The following NEDD4 variants were observed in gnomAD, a reference collection of about 807,000 sequenced individuals.
NEDD4 encodes E3 ubiquitin-protein ligase NEDD4.
In NEDD4, 99 loss-of-function variants were observed where a neutral mutation model predicts 144.9. That is an observed-to-expected ratio of 0.68 (90% CI 0.58 to 0.81). The LOEUF (loss-of-function observed/expected upper bound fraction) is 0.81. NEDD4 is among the 30% of genes least tolerant of loss of function. The probability of loss-of-function intolerance (pLI) is 0.00; values close to 1 mark genes in which losing one functional copy is unlikely to be tolerated. For missense variants in NEDD4, 985 were observed against 1,065.9 expected (o/e 0.92, Z 1.06); for synonymous variants, 318 against 350.6 (o/e 0.91, Z 1.04).
chr15:55,936,610 A>C (rs372140386), intron 4 of NEDD4, among the ~76,000 whole-genome samples: 1 of 152,184 alleles, frequency 6.6e-6, no homozygotes, highest in African/African-American at 2.4e-5. Flanking sequence ...TATATTGAGT[A>C]TGAATGCTAA....
chr15:55,869,238 T>C (rs1169884476), intron 8 of NEDD4, among the ~76,000 whole-genome samples: 1 of 152,230 alleles, frequency 6.6e-6, no homozygotes, highest in Non-Finnish European at 1.5e-5. Flanking sequence ...AAAGAGTTCC[T>C]AATCAGTGGA....
At position 55,856,209 on chromosome 15, in the gene NEDD4, C is replaced by T; in HGVS notation, c.961-13G>A. 6.2e-7 allele frequency: 1 copy of T among 1,609,810 alleles called. No homozygotes were observed. The highest frequency in any genetic ancestry group is 8.5e-7 in the Non-Finnish European group (1 of 1,178,138). ...TGCTGGAATGATTCTTGTGAAAAAA[C>T]AAGACAACAGAAGAATACCTTGATA... is the stretch of plus-strand genomic sequence containing the variant. On this transcript the variant is annotated splice_polypyrimidine_tract_variant and intron_variant, in intron 11 of 28. Coordinates refer to ENST00000435532, the MANE Select transcript of NEDD4 (RefSeq NM_006154.4).
rs113513290 is a variant in NEDD4 at position 55,834,934 on chromosome 15, C to G, written c.2263-648G>C. On this transcript the variant is annotated intron_variant, in intron 24 of 28. Coordinates refer to ENST00000435532, the MANE Select transcript of NEDD4 (RefSeq NM_006154.4). Reference sequence around the variant, plus strand: ...TGGCCTCCTTCCCACCGCAGTGCCGCCTCTTCTTTCAGGCTAGGCCTGCAC... The same window carrying G: ...TGGCCTCCTTCCCACCGCAGTGCCGGCTCTTCTTTCAGGCTAGGCCTGCAC... Among the ~76,000 whole-genome samples, 2 of 152,300 alleles carry G rather than the reference C, an allele frequency of 1.3e-5. 1 individual carries two copies. Among genetic ancestry groups the G allele is most frequent in the African/African-American group, 4.8e-5 (2 of 41,560 alleles).
intron 4 of NEDD4, among the ~76,000 whole-genome samples, chr15:55,928,122 G>A (rs2142242876): frequency 6.6e-6 from 1 of 152,086 alleles, no homozygotes; most frequent in East Asian, 1.9e-4. Flanking sequence ...CGATTCTCCT[G>A]CCTCGACCTC....
chr15:55,835,753 C>A (rs1297982263), intron 24 of NEDD4, among the ~76,000 whole-genome samples: 1 of 152,192 alleles, frequency 6.6e-6, no homozygotes, highest in African/African-American at 2.4e-5. Flanking sequence ...CCATTTCTCA[C>A]CAAGATTACT....
intron 5 of NEDD4, among the ~76,000 whole-genome samples, chr15:55,913,996 G>A (rs1010216757): frequency 9.2e-5 from 14 of 151,768 alleles, no homozygotes; most frequent in African/African-American, 3.1e-4. Flanking sequence ...CTAAAATCTG[G>A]TTTTAGAAAA....
rs144263518 is a variant in NEDD4 at position 55,924,337 on chromosome 15, G to A, written c.291+309C>T. On this transcript the variant is annotated intron_variant, in intron 5 of 28. Transcript: ENST00000435532. ...CAGAGCCATGGAGTAGGAACCAGGG[G>A]TCATGGGCGAGTGAGAGGGAAGGCA... 1.2e-3 allele frequency: 315 copies of A among 265,784 alleles called. 1 individual carries two copies. Among genetic ancestry groups the A allele is most frequent in the African/African-American group, 6.4e-3 (297 of 46,240 alleles). 16.5% of individuals were successfully genotyped at this position (265,784 alleles called of 1,614,324 possible).
intron 12 of NEDD4, 147 bp from the exon 13 acceptor site, chr15:55,852,690 AATATATATATAT>A (rs59736982): frequency 7.5e-3 from 1,380 of 183,626 alleles, no homozygotes; most frequent in Non-Finnish European, 0.012. Flanking sequence ...CTTTTCTAGA[AATATATATATAT>A]ATATATATAT....
chr15:55,902,796 AC>A (rs1421561631), intron 5 of NEDD4, among the ~76,000 whole-genome samples: 9 of 152,200 alleles, frequency 5.9e-5, no homozygotes, highest in African/African-American at 1.9e-4. Flanking sequence ...TCAGAAAAAA[AC>A]AAAGTAATTA....
At chr15:55,974,070 C>T (rs1427941751) in intron 1 of NEDD4, among the ~76,000 whole-genome samples, 1 of 151,962 alleles carries the variant, frequency 6.6e-6, no homozygotes, top group African/African-American at 2.4e-5. Flanking sequence ...AATAAAATCA[C>T]AGATGAAAAA....
intron 5 of NEDD4, among the ~76,000 whole-genome samples, chr15:55,878,997 G>T (rs2035090582): frequency 6.6e-6 from 1 of 152,046 alleles, no homozygotes; most frequent in Non-Finnish European, 1.5e-5. Context: ...TAATTTTTTT[G>T]TGTTATTAGT....
chr15:55,900,149 G>C (rs746520548), intron 5 of NEDD4, among the ~76,000 whole-genome samples: 10 of 151,890 alleles, frequency 6.6e-5, no homozygotes, highest in African/African-American at 2.4e-4. Flanking sequence ...TTCTGGACAA[G>C]AACTCATCGT....
intron 1 of NEDD4, chr15:55,992,136 G>T (rs2037998130): frequency 6.6e-6 from 1 of 152,200 alleles, no homozygotes; most frequent in Admixed American, 6.5e-5. Context: ...GACCACAGGT[G>T]AAGTGCTGTA....
intron 5 of NEDD4, among the ~76,000 whole-genome samples, chr15:55,913,100 T>C (rs2036326734): frequency 6.6e-6 from 1 of 152,144 alleles, no homozygotes; most frequent in African/African-American, 2.4e-5. Context: ...TTGTAGACTC[T>C]CAGTGCTTTA....
chr15:55,963,297 A>T (rs1368124635), intron 2 of NEDD4, among the ~76,000 whole-genome samples: 1 of 150,356 alleles, frequency 6.7e-6, no homozygotes, highest in African/African-American at 2.4e-5. Context: ...ATACCTGGCT[A>T]ATTTTTTGAC....
At chr15:55,878,740 T>C (rs1334746826) in intron 5 of NEDD4, among the ~76,000 whole-genome samples, 1 of 152,244 alleles carries the variant, frequency 6.6e-6, no homozygotes, top group African/African-American at 2.4e-5. Flanking sequence ...ATACAACTAG[T>C]AGAATTACTC....
At chr15:55,963,567 G>C (rs1310950099) in intron 2 of NEDD4, among the ~76,000 whole-genome samples, 1 of 151,922 alleles carries the variant, frequency 6.6e-6, no homozygotes, top group Non-Finnish European at 1.5e-5. Context: ...CATCCTTTAT[G>C]TTATAGTTGT....
intron 19 of NEDD4, 128 bp from the exon 20 acceptor site, chr15:55,840,855 G>A: frequency 3.2e-6 from 3 of 933,350 alleles, no homozygotes; most frequent in Non-Finnish European, 3.2e-6. Flanking sequence ...TGGATTTAAT[G>A]GTTTTAAAAA....
intron 11 of NEDD4, among the ~76,000 whole-genome samples, chr15:55,857,057 T>A (rs1282688673): frequency 6.6e-6 from 1 of 152,174 alleles, no homozygotes; most frequent in Non-Finnish European, 1.5e-5. Context: ...AGTACATCTA[T>A]CTGTACTGAA....
Sources: allele counts gnomAD v4.1 joint callset (sites outside exome capture counted in the v4.1 genomes callset), GRCh38; gene constraint gnomAD v4.1.1; transcripts MANE v1.5; gene names NCBI Gene and HGNC (gene_info 2026-07-23, HGNC 2026-07-21).